Variants in AIF1L observed in about 807,000 individuals in gnomAD.
AIF1L encodes the protein allograft inflammatory factor 1-like.
A neutral mutation model predicts 20.7 loss-of-function variants in AIF1L; 12 were observed. The ratio of observed to expected loss-of-function variants is 0.58; its 90% CI spans 0.37 to 0.94. The LOEUF is 0.94. Among genes scored for constraint, AIF1L ranks in the 40% least tolerant of loss-of-function variants. AIF1L has a pLI of 0.01. For missense variants in AIF1L, 173 were observed against 185.3 expected, an observed-to-expected ratio of 0.93 and a Z score of 0.39; for synonymous variants, 76 against 65.1, an observed-to-expected ratio of 1.17 and a Z score of -0.81.
intron 2 of AIF1L, among the ~76,000 whole-genome samples, chr9:131,105,229 G>T (rs1280197595): frequency 7.2e-5 from 11 of 152,148 alleles, no homozygotes; most frequent in Non-Finnish European, 4.4e-5. Context: ...ACTGCCCGCC[G>T]GGCTCCCCCA....
At chr9:131,112,637 A>G (rs938261802) in intron 3 of AIF1L, among the ~76,000 whole-genome samples, 2 of 152,136 alleles carry the variant, frequency 1.3e-5, no homozygotes, top group Non-Finnish European at 2.9e-5. Context: ...GGGGACACAT[A>G]GCTCGCCTAG....
chr9:131,108,285 C>T (rs1830795970), intron 2 of AIF1L: 1 of 150,932 alleles, frequency 6.6e-6, no homozygotes, highest in Non-Finnish European at 1.5e-5. Context: ...CGGCAACCTC[C>T]ACTTCCCAGG....
At chr9:131,117,942 G>A (rs2133408817) in intron 5 of AIF1L, 24 bp downstream of exon 5, 1 of 1,587,628 alleles carries the variant, frequency 6.3e-7, no homozygotes, top group South Asian at 1.2e-5. Context: ...TCCTCCCTTG[G>A]GATCTCTGAA....
At chr9:131,113,079 G>A (rs570660170) in intron 3 of AIF1L, among the ~76,000 whole-genome samples, 41 of 152,254 alleles carry the variant, frequency 2.7e-4, no homozygotes, top group African/African-American at 9.6e-4. Flanking sequence ...GGCGGTGTGA[G>A]AGGTGGTGGG....
At chr9:131,114,849 C>G (rs1830973259) in intron 4 of AIF1L, among the ~76,000 whole-genome samples, 1 of 152,168 alleles carries the variant, frequency 6.6e-6, no homozygotes, top group Admixed American at 6.5e-5. Context: ...GCCTCCCACC[C>G]CAGGTGCTAC....
chr9:131,105,460 G>T (rs1314422622), intron 2 of AIF1L, among the ~76,000 whole-genome samples: 1 of 151,994 alleles, frequency 6.6e-6, no homozygotes, highest in African/African-American at 2.4e-5. Context: ...CACATTCCGG[G>T]TTCAGACAAT....
rs116096411 is a variant in AIF1L at position 131,112,175 on chromosome 9, G to A, written c.160+512G>A. The stretch of plus-strand genomic sequence containing the variant: ...GGGCCTGGGAGCCGGCGCGGGGAGA[G>A]GGGCAGCATAAAGGTCCCTCTGTTT... On this transcript the variant is annotated intron_variant, in intron 3 of 5. Transcript: ENST00000247291. The A allele has an allele frequency of 4.8e-3, 759 of 159,224 alleles. 7 individuals are homozygous for A. Among genetic ancestry groups the A allele is most frequent in the African/African-American group, 0.017 (721 of 41,648 alleles). The allele number at this position is 159,224 out of a possible 1,614,324, so 9.9% of individuals were successfully genotyped here.
At chr9:131,118,129 A>G (rs113285527) in intron 5 of AIF1L, among the ~76,000 whole-genome samples, 1,923 of 151,926 alleles carry the variant, frequency 0.013, 23 homozygotes, top group Middle Eastern at 0.02. Context: ...GTCTTACTCT[A>G]TTGCCCAGGC....
chr9:131,107,405 C>T (rs545970308), intron 2 of AIF1L, among the ~76,000 whole-genome samples: 66 of 152,208 alleles, frequency 4.3e-4, no homozygotes, highest in Non-Finnish European at 7.3e-4. Flanking sequence ...TAGGGCTGGT[C>T]GGTCCAGGCT....
intron 2 of AIF1L, chr9:131,102,971 C>T (rs539126290): frequency 6.6e-6 from 3 of 456,216 alleles, no homozygotes; most frequent in South Asian, 3.1e-5. Context: ...AGCAAGGGTT[C>T]GCCAGAAGGT....
intron 2 of AIF1L, among the ~76,000 whole-genome samples, chr9:131,100,383 G>A (rs765956693): frequency 5.3e-5 from 8 of 152,200 alleles, no homozygotes; most frequent in Non-Finnish European, 1.0e-4. Flanking sequence ...CCTGTGCCAG[G>A]TGCACTGTGG....
At chr9:131,103,214 G>A (rs189976773) in intron 2 of AIF1L, among the ~76,000 whole-genome samples, 2 of 152,208 alleles carry the variant, frequency 1.3e-5, no homozygotes, top group South Asian at 2.1e-4. Context: ...ATGCTATTGG[G>A]GACTGAGATG....
At chr9:131,099,819 C>T (rs956953613) in intron 2 of AIF1L, among the ~76,000 whole-genome samples, 1 of 150,938 alleles carries the variant, frequency 6.6e-6, no homozygotes, top group African/African-American at 2.4e-5. Context: ...CTCCGCCTCT[C>T]GGGTTCAAGC....
intron 2 of AIF1L, among the ~76,000 whole-genome samples, chr9:131,110,219 TAATAAC>T (rs1201828911): frequency 1.3e-5 from 2 of 152,028 alleles, no homozygotes; most frequent in African/African-American, 4.8e-5. Flanking sequence ...TTCAAAATAA[TAATAAC>T]AATAGCTCCC....
intron 2 of AIF1L, among the ~76,000 whole-genome samples, chr9:131,102,503 G>C (rs1304525232): frequency 6.6e-6 from 1 of 152,214 alleles, no homozygotes; most frequent in Non-Finnish European, 1.5e-5. Flanking sequence ...GTGGCCACGT[G>C]AGCCTCTGAG....
chr9:131,109,223 A>AATGAATGAATGG (rs35759379), intron 2 of AIF1L, among the ~76,000 whole-genome samples: 55 of 63,312 alleles, frequency 8.7e-4, no homozygotes, highest in African/African-American at 2.1e-3. Flanking sequence ...TGAATGAATG[A>AATGAATGAATGG]AGGAGCAATG....
rs1030566282 is a variant in AIF1L at position 131,099,000 on chromosome 9, G to T, written c.93+2137G>T. Among the ~76,000 whole-genome samples, 13 of 152,296 alleles carry T rather than the reference G, an allele frequency of 8.5e-5. 1 individual carries two copies. The South Asian group carries it at 2.7e-3, about 32-fold the overall frequency. On this transcript the variant is annotated intron_variant, in intron 2 of 5. Coordinates refer to ENST00000247291, the MANE Select transcript of AIF1L (RefSeq NM_031426.4). ...AGCTGCTTCACCACAGTGGAGCAGG[G>T]TGGCCCCACCAGTTTAGTCATGAGG...
chr9:131,117,436 A>G (rs1419772532), intron 4 of AIF1L, among the ~76,000 whole-genome samples: 1 of 152,172 alleles, frequency 6.6e-6, no homozygotes, highest in Non-Finnish European at 1.5e-5. Flanking sequence ...AGATCCCTGA[A>G]TGATCCCATC....
intron 2 of AIF1L, among the ~76,000 whole-genome samples, chr9:131,109,383 A>T (rs353534): frequency 0.73 from 111,004 of 151,856 alleles, 41,794 homozygotes; most frequent in Middle Eastern, 0.84. Flanking sequence ...ACATGGTAAA[A>T]TCCCGTCTCT....
Sources: allele counts gnomAD v4.1 joint callset (sites outside exome capture counted in the v4.1 genomes callset), GRCh38; gene constraint gnomAD v4.1.1; transcripts MANE v1.5; gene names NCBI Gene and HGNC (gene_info 2026-07-23, HGNC 2026-07-21).